The following GASK1A variants were observed in gnomAD, a reference collection of about 807,000 sequenced individuals.
The protein encoded by GASK1A is Golgi-associated kinase 1A.
In GASK1A, 40 loss-of-function variants were observed where a neutral mutation model predicts 41.2. The ratio of observed to expected loss-of-function variants is 0.97; its 90% CI spans 0.75 to 1.27. GASK1A has a LOEUF of 1.27. GASK1A is among the 50% of genes most tolerant of loss of function. GASK1A has a pLI of 0.00. For synonymous variants in GASK1A, 316 were observed against 307.1 expected, an observed-to-expected ratio of 1.03 and a Z score of -0.30; for missense variants, 678 against 745.1, an observed-to-expected ratio of 0.91 and a Z score of 1.05.
chr3:43,050,058 A>AC (rs2089681930), intron 2 of GASK1A, among the ~76,000 whole-genome samples: 1 of 151,436 alleles, frequency 6.6e-6, no homozygotes, highest in Non-Finnish European at 1.5e-5. Flanking sequence ...GTCCAGAACA[A>AC]AAAAAAATAC....
intron 2 of GASK1A, among the ~76,000 whole-genome samples, chr3:43,035,016 C>T: frequency 6.6e-6 from 1 of 152,214 alleles, no homozygotes; most frequent in East Asian, 1.9e-4. Flanking sequence ...AATCTATGTC[C>T]CCGTGGCTGC....
At chr3:43,030,866 G>A (rs1448333415) in intron 1 of GASK1A, among the ~76,000 whole-genome samples, 1 of 152,080 alleles carries the variant, frequency 6.6e-6, no homozygotes, top group African/African-American at 2.4e-5. Context: ...AGAAAGCAGG[G>A]GGCTACTGAG....
intron 1 of GASK1A, among the ~76,000 whole-genome samples, chr3:43,025,063 A>G (rs2125684218): frequency 6.6e-6 from 1 of 152,308 alleles, no homozygotes; most frequent in Middle Eastern, 3.4e-3. Flanking sequence ...ACTGTCCAGA[A>G]TTGAAAGAAG....
At chr3:43,003,904 G>A (rs541040283) in intron 1 of GASK1A, among the ~76,000 whole-genome samples, 1 of 152,274 alleles carries the variant, frequency 6.6e-6, no homozygotes, top group African/African-American at 2.4e-5. Context: ...ACCCAGAGAA[G>A]GTGATTTTGC....
At chr3:43,020,658 T>A (rs141103873) in intron 1 of GASK1A, among the ~76,000 whole-genome samples, 1,837 of 152,322 alleles carry the variant, frequency 0.012, 44 homozygotes, top group African/African-American at 0.042. Context: ...CCAAAACATA[T>A]GCCTATATTT....
At chr3:42,997,234 A>T (rs148816820) in intron 1 of GASK1A, among the ~76,000 whole-genome samples, 5 of 152,266 alleles carry the variant, frequency 3.3e-5, no homozygotes, top group Middle Eastern at 3.4e-3. Context: ...AGTCAGAGGA[A>T]CATAGTTTTG....
intron 1 of GASK1A, among the ~76,000 whole-genome samples, chr3:43,002,132 C>T (rs958975820): frequency 2.1e-4 from 32 of 152,204 alleles, no homozygotes; most frequent in African/African-American, 9.6e-5. Context: ...TTCAAACATT[C>T]GTCTTCCCAG....
At chr3:42,990,991 C>T (rs1297118931) in intron 1 of GASK1A, among the ~76,000 whole-genome samples, 1 of 151,886 alleles carries the variant, frequency 6.6e-6, no homozygotes, top group Non-Finnish European at 1.5e-5. Flanking sequence ...TTCACCCCAG[C>T]CTGTTGAGAG....
At chr3:43,045,818 T>G (rs1167001930) in intron 2 of GASK1A, among the ~76,000 whole-genome samples, 1 of 152,210 alleles carries the variant, frequency 6.6e-6, no homozygotes, top group Non-Finnish European at 1.5e-5. Flanking sequence ...CTCGTGATAG[T>G]GAGTTCTCAT....
Position 43,057,138 on chromosome 3 carries a change from A to C in GASK1A, c.*752A>C. On this transcript the variant is annotated 3_prime_UTR_variant, in exon 5 of 5. Coordinates refer to ENST00000430121, the MANE Select transcript of GASK1A (RefSeq NM_001129908.3). ...AACTATATTCTGTATCAGCCATCTG[A>C]ATTGACCCAATCTTTATTGGTGACT... is the stretch of plus-strand genomic sequence containing the variant. 6.6e-6 allele frequency: 1 copy of C among 152,206 alleles called. No individual in the cohort carries two copies. Among genetic ancestry groups the C allele is most frequent in the East Asian group, 1.9e-4 (1 of 5,196 alleles). 9.4% of individuals were successfully genotyped at this position (152,206 alleles called of 1,614,324 possible).
chr3:43,032,811 C>A lies in GASK1A; in HGVS notation c.548C>A (p.Pro183Gln). ...CCAGGGAGTGACATGGCAGCTTTAC[C>A]GGCTTGGAGAGCTACTTCTGGGCTG... Reference protein sequence around the residue: ...PLPGSDMAALPAWRATSGLTL... With the variant: ...PLPGSDMAALQAWRATSGLTL... The change falls in exon 2 of 5, where the codon CCG becomes CAG. Residue 183 changes from proline to glutamine, a missense_variant. Pro to Gln is a moderately conservative substitution (Grantham distance 76). Coordinates refer to ENST00000430121, the MANE Select transcript of GASK1A (RefSeq NM_001129908.3). 2 of 1,549,692 alleles carry A rather than the reference C, an allele frequency of 1.3e-6. No homozygotes were observed. Among genetic ancestry groups the A allele is most frequent in the Non-Finnish European group, 1.7e-6 (2 of 1,146,964 alleles).
rs998081149 is a variant in GASK1A, at chr3:42,984,839, T to G, written c.3+5194T>G. ...CAGGTGGGGGTCTCCGTGACTTGCT[T>G]TGGTGCCTTATCTACCAGGGAGTTG... On this transcript the variant is annotated intron_variant, in intron 1 of 4. Coordinates refer to ENST00000430121, the MANE Select transcript of GASK1A (RefSeq NM_001129908.3). The surrounding 1 kb of genome is among the most constrained non-coding windows in gnomAD (Gnocchi z 4.2). Among the ~76,000 whole-genome samples, 4 of 152,118 alleles carry G rather than the reference T, an allele frequency of 2.6e-5. No homozygotes were observed. Among genetic ancestry groups the G allele is most frequent in the Non-Finnish European group, 5.9e-5 (4 of 68,014 alleles).
chr3:43,003,369 C>G (rs189385218), intron 1 of GASK1A, among the ~76,000 whole-genome samples: 1 of 152,060 alleles, frequency 6.6e-6, no homozygotes, highest in African/African-American at 2.4e-5. Context: ...GTGGCAGGCT[C>G]CTGTCATCCC....
intron 2 of GASK1A, chr3:43,037,187 TA>T: frequency 1.8e-6 from 2 of 1,133,610 alleles, no homozygotes; most frequent in Non-Finnish European, 2.6e-6. Context: ...CCAAAGAACC[TA>T]AGTCAAAATC....
chr3:43,010,594 T>C (rs1304440416), intron 1 of GASK1A, among the ~76,000 whole-genome samples: 1 of 152,248 alleles, frequency 6.6e-6, no homozygotes, highest in East Asian at 1.9e-4. Flanking sequence ...ATTATAGATT[T>C]CTGCCATCTC....
chr3:43,023,510 G>C (rs1203032630), intron 1 of GASK1A, among the ~76,000 whole-genome samples: 1 of 152,222 alleles, frequency 6.6e-6, no homozygotes, highest in African/African-American at 2.4e-5. Flanking sequence ...AACAGCCTGA[G>C]AAGATGCACA....
At chr3:43,007,483 C>CT (rs2089442200) in intron 1 of GASK1A, among the ~76,000 whole-genome samples, 1 of 152,188 alleles carries the variant, frequency 6.6e-6, no homozygotes, top group African/African-American at 2.4e-5. Context: ...CTTAAGTCGA[C>CT]TTTCAGCCAA....
intron 3 of GASK1A, chr3:43,053,923 A>G (rs1272008955): frequency 6.1e-6 from 3 of 489,866 alleles, no homozygotes; most frequent in African/African-American, 5.8e-5. Context: ...CCAGGGAACA[A>G]CTAGGGCTCC....
chr3:43,006,249 C>A (rs550886470), intron 1 of GASK1A, among the ~76,000 whole-genome samples: 45 of 152,276 alleles, frequency 3.0e-4, no homozygotes, highest in Middle Eastern at 3.4e-3. Flanking sequence ...ATCCTCCTTT[C>A]CCAGCATCCC....
Sources: allele counts gnomAD v4.1 joint callset (sites outside exome capture counted in the v4.1 genomes callset), GRCh38; gene constraint gnomAD v4.1.1; non-coding constraint Gnocchi (gnomAD v3.1); transcripts MANE v1.5; gene names NCBI Gene and HGNC (gene_info 2026-07-23, HGNC 2026-07-21).